Variants in MIDEAS observed in about 807,000 individuals in gnomAD.
The protein encoded by MIDEAS is mitotic deacetylase associated SANT domain protein, also known as mitotic deacetylase-associated SANT domain protein.
Under a neutral mutation model 102.7 loss-of-function variants are expected in MIDEAS, and 26 were observed. That is an observed-to-expected ratio of 0.25 (90% CI 0.19 to 0.35). The LOEUF is 0.35. MIDEAS is among the 10% of genes least tolerant of loss of function. MIDEAS has a pLI of 1.00. For synonymous variants in MIDEAS, 585 were observed against 591.0 expected (o/e 0.99, Z 0.15); for missense variants, 1,231 against 1,435.6 (o/e 0.86, Z 2.30).
intron 12 of MIDEAS, 57 bp downstream of exon 12, chr14:73,719,247 GC>G (rs2050102999): frequency 3.0e-6 from 1 of 328,170 alleles, no homozygotes; most frequent in South Asian, 3.4e-5. Flanking sequence ...CCCCACCCCC[GC>G]CCCCTCCGCG....
In MIDEAS at chr14:73,737,311, G is replaced by GA; in HGVS notation, c.1450-15dup. The stretch of plus-strand genomic sequence containing the variant: ...ACCACTGCCATCCTGGACAAGATGG[G>GA]AACAGAAGTGCAATTTAAAAGGTAA... On this transcript the variant is annotated splice_polypyrimidine_tract_variant and intron_variant, in intron 2 of 12. Transcript: ENST00000423556. The GA allele has an allele frequency of 6.3e-7, 1 of 1,599,132 alleles. No homozygotes were observed. The highest frequency in any genetic ancestry group is 8.6e-7 in the Non-Finnish European group (1 of 1,168,072).
chr14:73,781,734 CAAAA>C (rs72374466), intron 1 of MIDEAS, among the ~76,000 whole-genome samples: 4 of 73,588 alleles, frequency 5.4e-5, no homozygotes, highest in Admixed American at 1.7e-4. Flanking sequence ...AACTCTGTCT[CAAAA>C]AAAAAAAAAA....
At chr14:73,723,117 G>A in intron 9 of MIDEAS, 1 of 292,952 alleles carries the variant, frequency 3.4e-6, no homozygotes, top group Non-Finnish European at 6.5e-6. Flanking sequence ...TGGCAATATG[G>A]ATTGCATATC....
chr14:73,753,005 T>C (rs906018251), intron 1 of MIDEAS, among the ~76,000 whole-genome samples: 1 of 152,194 alleles, frequency 6.6e-6, no homozygotes, highest in African/African-American at 2.4e-5. Context: ...CCCCAGCCTT[T>C]GATTCCCCAG....
chr14:73,764,956 C>A (rs1214964248), upstream of MIDEAS, among the ~76,000 whole-genome samples: 2 of 152,228 alleles, frequency 1.3e-5, no homozygotes, highest in Non-Finnish European at 2.9e-5. Flanking sequence ...AGACGTCTGG[C>A]CGGGTGTAGG....
intron 1 of MIDEAS, among the ~76,000 whole-genome samples, chr14:73,766,505 T>C (rs1664223903): frequency 6.6e-6 from 1 of 152,224 alleles, no homozygotes; most frequent in African/African-American, 2.4e-5. Flanking sequence ...TTACAATTGA[T>C]AGCCTGTATA....
At chr14:73,720,861 G>A (rs1342403131) in intron 11 of MIDEAS, among the ~76,000 whole-genome samples, 2 of 152,190 alleles carry the variant, frequency 1.3e-5, no homozygotes, top group Non-Finnish European at 2.9e-5. Context: ...GCCTATGATT[G>A]TCATTCCCAT....
chr14:73,771,286 G>A (rs2053639742), intron 1 of MIDEAS, among the ~76,000 whole-genome samples: 1 of 152,194 alleles, frequency 6.6e-6, no homozygotes, highest in Admixed American at 6.5e-5. Context: ...GATAACCAGG[G>A]CCCCAGCTGG....
rs1173806929 is a variant in MIDEAS at position 73,726,104 on chromosome 14, G to A, written c.2414C>T (p.Thr805Met). ...LHESRGDILETLNKLLLKKPL... is the reference protein window; with the variant it reads ...LHESRGDILEMLNKLLLKKPL... Reference sequence around the variant, plus strand: ...CTTCTTCAGCAGCAGCTTATTCAGCGTTTCCTGGAGGGGAAGTGAGGGAAG... The same window carrying A: ...CTTCTTCAGCAGCAGCTTATTCAGCATTTCCTGGAGGGGAAGTGAGGGAAG... Residue 805 changes from threonine (T) to methionine (M), a missense_variant, in exon 8 of 13, where the codon ACG becomes ATG. Thr to Met is a moderately conservative substitution (Grantham distance 81). Transcript: ENST00000423556. 2.5e-6 allele frequency: 4 copies of A among 1,589,658 alleles called. No homozygotes were observed. The highest frequency in any genetic ancestry group is 2.7e-5 in the African/African-American group (2 of 74,744).
At chr14:73,766,648 C>T (rs62006084) in intron 1 of MIDEAS, among the ~76,000 whole-genome samples, 28,526 of 151,408 alleles carry the variant, frequency 0.19, 3,561 homozygotes, top group Non-Finnish European at 0.27. Context: ...CTCCCAGGTT[C>T]ATGCCATTCT....
In MIDEAS at chr14:73,718,799, G is replaced by A; in HGVS notation, c.*44C>T. ...TGTCTGCGGGCGCTGGCGGCGGTGC[G>A]GGAAGGGCCGAGGCCCAGGACTGGG... is the stretch of plus-strand genomic sequence containing the variant. On this transcript the variant is annotated 3_prime_UTR_variant, in exon 13 of 13. Transcript: ENST00000423556. 1.5e-6 allele frequency: 2 copies of A among 1,358,778 alleles called. No homozygotes were observed. The highest frequency in any genetic ancestry group is 1.8e-5 in the South Asian group (1 of 56,618). The allele number at this position is 1,358,778 out of a possible 1,614,324, so 84.2% of individuals were successfully genotyped here. A position where few individuals can be genotyped will look rare whatever the true frequency, so the allele number is the denominator to read the frequency against.
In MIDEAS at chr14:73,739,493, G is replaced by C; in HGVS notation, c.516C>G (p.Gly172=). The part of the protein sequence containing the change: ...PEALKREKAG[G]PQLDRYVRPM... The stretch of plus-strand genomic sequence containing the variant: ...GTCGCACATAGCGGTCCAGCTGTGG[G>C]CCCCCCGCTTTCTCCCGCTTCAGTG... Residue 172 remains glycine (G), a synonymous_variant, in exon 2 of 13, where the codon GGC becomes GGG. Coordinates refer to ENST00000423556, the MANE Select transcript of MIDEAS (RefSeq NM_001367710.1). The C allele has an allele frequency of 6.2e-7, 1 of 1,612,358 alleles. No homozygotes were observed. Among genetic ancestry groups the C allele is most frequent in the South Asian group, 1.1e-5 (1 of 90,784 alleles).
intron 1 of MIDEAS, among the ~76,000 whole-genome samples, chr14:73,757,290 A>AAAAAAAAAAAAAAAAC (rs2053496627): frequency 6.6e-6 from 1 of 150,442 alleles, no homozygotes; most frequent in East Asian, 2.0e-4. Context: ...AAAAAAAAAA[A>AAAAAAAAAAAAAAAAC]AAAACACTAA....
chr14:73,737,859 G>A (rs565080357), intron 2 of MIDEAS, among the ~76,000 whole-genome samples: 29 of 144,194 alleles, frequency 2.0e-4, no homozygotes, highest in African/African-American at 6.9e-4. Context: ...TTGGTTCACT[G>A]CAACCTCTGC....
At chr14:73,788,593 A>G (rs932836138), upstream of MIDEAS, among the ~76,000 whole-genome samples, 1 of 152,236 alleles carries the variant, frequency 6.6e-6, no homozygotes, top group Admixed American at 6.5e-5. Flanking sequence ...GATTTTTACT[A>G]AGACATTAAT....
Position 73,742,189 on chromosome 14 carries a change from A to G in MIDEAS, c.-247-1934T>C, listed in dbSNP as rs1291643783. ...CAGAAGCAAGACAGAGAAAGGAAGAATGTGCGCCAGCCTGGCAAGCCCACG... is the reference window on the plus strand; with the variant it reads ...CAGAAGCAAGACAGAGAAAGGAAGAGTGTGCGCCAGCCTGGCAAGCCCACG... On this transcript the variant is annotated intron_variant, in intron 1 of 12. Coordinates refer to ENST00000423556, the MANE Select transcript of MIDEAS (RefSeq NM_001367710.1). The surrounding 1 kb of genome is among the most constrained non-coding windows in gnomAD (Gnocchi z 4.4). Among the ~76,000 whole-genome samples, 2 of 152,226 alleles carry G rather than the reference A, an allele frequency of 1.3e-5. No homozygotes were observed. Among genetic ancestry groups the G allele is most frequent in the Non-Finnish European group, 2.9e-5 (2 of 68,024 alleles).
chr14:73,777,411 A>G (rs1487385848), intron 1 of MIDEAS, among the ~76,000 whole-genome samples: 1 of 152,036 alleles, frequency 6.6e-6, no homozygotes, highest in Non-Finnish European at 1.5e-5. Flanking sequence ...ATTTAGCTAC[A>G]GTTAGCTTCT....
chr14:73,788,563 A>G (rs769517831), upstream of MIDEAS, among the ~76,000 whole-genome samples: 5 of 152,262 alleles, frequency 3.3e-5, no homozygotes, highest in Non-Finnish European at 7.3e-5. Flanking sequence ...TCCACGTTGC[A>G]GCTGCTACGC....
At chr14:73,731,261 G>A (rs868071851) in intron 3 of MIDEAS, among the ~76,000 whole-genome samples, 6 of 152,202 alleles carry the variant, frequency 3.9e-5, no homozygotes, top group African/African-American at 1.4e-4. Flanking sequence ...AACAGGTAAG[G>A]TTGGCCATGT....
Sources: gnomAD v4.1 joint callset for allele counts (sites outside exome capture counted in the v4.1 genomes callset) on GRCh38, gnomAD v4.1.1 for gene constraint, Gnocchi (gnomAD v3.1) non-coding constraint, MANE v1.5 for transcripts, NCBI Gene and HGNC (gene_info 2026-07-23, HGNC 2026-07-21) for gene names.